The following NPAS3 variants were observed in gnomAD, a reference collection of about 807,000 sequenced individuals.
The protein encoded by NPAS3 is neuronal PAS domain-containing protein 3.
A neutral mutation model predicts 73.1 loss-of-function variants in NPAS3; 14 were observed. That is an observed-to-expected ratio of 0.19 (90% CI 0.13 to 0.30). The LOEUF (loss-of-function observed/expected upper bound fraction) is 0.30. NPAS3 is among the 10% of genes least tolerant of loss of function. NPAS3 has a pLI of 1.00. For missense variants in NPAS3, 1,096 were observed against 1,250.0 expected (o/e 0.88, Z 1.86); for synonymous variants, 620 against 541.5 (o/e 1.14, Z -2.01).
At position 33,696,863 on chromosome 14, in the gene NPAS3, A is replaced by G. The variant is rs542473093; in HGVS notation, c.733+20478A>G. Among the ~76,000 whole-genome samples, 5 of 152,304 alleles carry G rather than the reference A, an allele frequency of 3.3e-5. No homozygotes were observed. In the East Asian group the frequency reaches 9.7e-4, roughly 29 times the overall value. On this transcript the variant is annotated intron_variant, in intron 6 of 11. Coordinates refer to ENST00000356141, the Ensembl canonical transcript of NPAS3. The stretch of plus-strand genomic sequence containing the variant: ...AAGTTGAGGAGTTACCCCTGCATCT[A>G]GAATCTGCTGAACATGCGCTGCAAA...
chr14:33,188,601 A>G (rs1051595819), intron 2 of NPAS3, among the ~76,000 whole-genome samples: 1 of 152,168 alleles, frequency 6.6e-6, no homozygotes, highest in Admixed American at 6.6e-5. Context: ...CCAGATTTTC[A>G]TTGTATAGAA....
intron 5 of NPAS3, among the ~76,000 whole-genome samples, chr14:33,615,938 T>G (rs1256653417): frequency 2.6e-5 from 4 of 152,210 alleles, no homozygotes; most frequent in Non-Finnish European, 5.9e-5. Flanking sequence ...GCACTTTTAA[T>G]GAGAACATTG....
At position 33,784,272 on chromosome 14, in the gene NPAS3, A is replaced by G. The variant is rs1163429438; in HGVS notation, c.1153+5700A>G. Reference sequence around the variant, plus strand: ...CATTTGTGAGCACTTACTAATGCAAAGCCTGTGTCATTGCTGTGAGGTTTC... The same window carrying G: ...CATTTGTGAGCACTTACTAATGCAAGGCCTGTGTCATTGCTGTGAGGTTTC... On this transcript the variant is annotated intron_variant, in intron 9 of 11. Transcript: ENST00000356141. 2.0e-5 allele frequency among the ~76,000 whole-genome samples: 3 copies of G among 152,184 alleles called. No individual in the cohort carries two copies. In the East Asian group the frequency reaches 5.8e-4, roughly 29 times the overall value.
At chr14:33,141,868 T>G (rs1284592005) in intron 2 of NPAS3, among the ~76,000 whole-genome samples, 2 of 152,214 alleles carry the variant, frequency 1.3e-5, no homozygotes, top group Admixed American at 1.3e-4. Context: ...CCAGCAAGTA[T>G]GCCATCGCAT....
chr14:33,681,743 G>A (rs2059943871), intron 6 of NPAS3, among the ~76,000 whole-genome samples: 1 of 152,094 alleles, frequency 6.6e-6, no homozygotes, highest in African/African-American at 2.4e-5. Context: ...CTAAAAGATT[G>A]GACCAAGTTC....
At chr14:33,640,560 G>C (rs1050907278) in intron 5 of NPAS3, among the ~76,000 whole-genome samples, 1 of 152,122 alleles carries the variant, frequency 6.6e-6, no homozygotes, top group Non-Finnish European at 1.5e-5. Flanking sequence ...AACTCCATTT[G>C]ATTTCAACCA....
intron 5 of NPAS3, among the ~76,000 whole-genome samples, chr14:33,580,103 C>G (rs764661663): frequency 2.3e-4 from 35 of 152,184 alleles, no homozygotes; most frequent in Non-Finnish European, 4.3e-4. Context: ...TTTATAGACT[C>G]TCTGGCTATG....
At chr14:33,365,441 T>C (rs2045799277) in intron 3 of NPAS3, among the ~76,000 whole-genome samples, 1 of 152,148 alleles carries the variant, frequency 6.6e-6, no homozygotes, top group East Asian at 1.9e-4. Context: ...TATCTGAATA[T>C]TAAAATTGTA....
At chr14:33,651,818 T>G (rs1385935432) in intron 5 of NPAS3, among the ~76,000 whole-genome samples, 2 of 152,238 alleles carry the variant, frequency 1.3e-5, no homozygotes, top group East Asian at 1.9e-4. Context: ...AGGCCACTTT[T>G]GGTGGCTTAT....
chr14:33,771,997 C>A (rs1196883665), intron 7 of NPAS3, among the ~76,000 whole-genome samples: 1 of 152,062 alleles, frequency 6.6e-6, no homozygotes, highest in African/African-American at 2.4e-5. Context: ...TCCTTCTTCA[C>A]CTGAAAATAA....
intron 9 of NPAS3, among the ~76,000 whole-genome samples, chr14:33,787,851 T>G (rs1045808593): frequency 6.6e-6 from 1 of 152,206 alleles, no homozygotes; most frequent in African/African-American, 2.4e-5. Context: ...ACTGTAACTT[T>G]TTAGATAAGG....
chr14:33,774,402 C>T (rs775752810), exon 8 of NPAS3: 1 of 1,614,118 alleles, frequency 6.2e-7, no homozygotes. Flanking sequence ...CCGTCCCCAG[C>T]CAAATCATGG....
chr14:33,446,427 G>A (rs977375127), intron 4 of NPAS3, among the ~76,000 whole-genome samples: 10 of 150,778 alleles, frequency 6.6e-5, no homozygotes, highest in South Asian at 4.2e-4. Flanking sequence ...CACCCGCCTC[G>A]GCCTCCCAAA....
intron 1 of NPAS3, among the ~76,000 whole-genome samples, chr14:32,977,351 G>GACGCGCACACAC (rs1555313818): frequency 1.1e-4 from 1 of 9,454 alleles, no homozygotes; most frequent in Non-Finnish European, 3.6e-4. Flanking sequence ...TTTTGTCTCT[G>GACGCGCACACAC]ACACGCACAC....
At chr14:32,949,059 C>T (rs1260046572) in intron 1 of NPAS3, among the ~76,000 whole-genome samples, 2 of 152,070 alleles carry the variant, frequency 1.3e-5, no homozygotes, top group African/African-American at 4.8e-5. Context: ...ACAATGTTAA[C>T]AGTTTAACTC....
intron 5 of NPAS3, among the ~76,000 whole-genome samples, chr14:33,572,107 T>TG (rs1202046549): frequency 6.6e-6 from 1 of 152,134 alleles, no homozygotes; most frequent in African/African-American, 2.4e-5. Context: ...AAACCTTTCA[T>TG]AGGGTGGCTG....
intron 1 of NPAS3, among the ~76,000 whole-genome samples, chr14:32,979,609 G>A (rs1398004627): frequency 5.9e-5 from 9 of 152,106 alleles, no homozygotes; most frequent in Non-Finnish European, 1.3e-4. Context: ...GGCCATGATT[G>A]TAGCATCTCT....
At chr14:33,793,180 A>T (rs1440224296) in intron 9 of NPAS3, among the ~76,000 whole-genome samples, 1 of 152,096 alleles carries the variant, frequency 6.6e-6, no homozygotes, top group African/African-American at 2.4e-5. Flanking sequence ...TTGCTCCTTC[A>T]TTTGGGGCCA....
At chr14:33,151,770 G>C (rs1686895515) in intron 2 of NPAS3, among the ~76,000 whole-genome samples, 1 of 152,056 alleles carries the variant, frequency 6.6e-6, no homozygotes, top group Non-Finnish European at 1.5e-5. Flanking sequence ...TGAAATGTAA[G>C]ATTATTTAAT....
Sources: gnomAD v4.1 joint callset for allele counts (sites outside exome capture counted in the v4.1 genomes callset) on GRCh38, gnomAD v4.1.1 for gene constraint, MANE v1.5 for transcripts, NCBI Gene and HGNC (gene_info 2026-07-23, HGNC 2026-07-21) for gene names.